SHCBP1: variants seen among roughly 807,000 people sequenced by gnomAD.
SHCBP1 encodes SHC binding and spindle associated 1, also known as SHC SH2 domain-binding protein 1.
A neutral mutation model predicts 75.1 loss-of-function variants in SHCBP1; 60 were observed. The ratio of observed to expected loss-of-function variants is 0.80; its 90% CI spans 0.65 to 0.99. SHCBP1 has a LOEUF of 0.99. SHCBP1 is among the 50% of genes least tolerant of loss of function. The pLI, the probability that SHCBP1 is intolerant of heterozygous loss-of-function variation, is 0.00. For synonymous variants in SHCBP1, 290 were observed against 293.2 expected, an observed-to-expected ratio of 0.99 and a Z score of 0.11; for missense variants, 709 against 809.4, an observed-to-expected ratio of 0.88 and a Z score of 1.50.
intron 5 of SHCBP1, among the ~76,000 whole-genome samples, chr16:46,607,477 T>C (rs1309617388): frequency 6.6e-6 from 1 of 152,158 alleles, no homozygotes; most frequent in African/African-American, 2.4e-5. Flanking sequence ...AGAAACTCAC[T>C]AAATCGACTT....
At chr16:46,584,294 C>A in intron 10 of SHCBP1, 2 of 298,148 alleles carry the variant, frequency 6.7e-6, no homozygotes, top group Non-Finnish European at 5.7e-6. Context: ...TTATCATTTT[C>A]AAAACCACAC....
chr16:46,588,823 G>A (rs1445095221), intron 10 of SHCBP1, among the ~76,000 whole-genome samples: 1 of 152,266 alleles, frequency 6.6e-6, no homozygotes, highest in East Asian at 1.9e-4. Context: ...CTCATTTTAT[G>A]AGGCCAGCAT....
chr16:46,600,287 T>C (rs768689553), intron 8 of SHCBP1, among the ~76,000 whole-genome samples: 1 of 152,134 alleles, frequency 6.6e-6, no homozygotes, highest in Non-Finnish European at 1.5e-5. Context: ...GGCAACACAG[T>C]GAGATTCCAT....
chr16:46,584,403 GA>G (rs745598476), intron 10 of SHCBP1: 1,275 of 167,236 alleles, frequency 7.6e-3, no homozygotes, highest in Middle Eastern at 0.022. Context: ...ATTCTGCCAA[GA>G]AAAAAAAAAA....
At position 46,618,669 on chromosome 16, in the gene SHCBP1, T is replaced by C. The variant is rs181566227; in HGVS notation, c.104-297A>G. On this transcript the variant is annotated intron_variant, in intron 1 of 12. Transcript: ENST00000303383. The stretch of plus-strand genomic sequence containing the variant: ...GTTTTTGTTTTTGTTTTAGAAACGG[T>C]CTCACTCTGTCACCTAGGCTGGAGT... Among the ~76,000 whole-genome samples the C allele has an allele frequency of 3.3e-5, 5 of 152,288 alleles. No individual in the cohort carries two copies. In the East Asian group the frequency reaches 9.7e-4, roughly 29 times the overall value.
Position 46,618,298 on chromosome 16 carries a change from T to C in SHCBP1, c.178A>G (p.Met60Val). 1 of 1,613,736 alleles carries C rather than the reference T, an allele frequency of 6.2e-7. No individual in the cohort carries two copies. The highest frequency in any genetic ancestry group is 8.5e-7 in the Non-Finnish European group (1 of 1,179,938). ...DKPGSSLQSFMPEGKTFFPEI... is the reference protein window; with the variant it reads ...DKPGSSLQSFVPEGKTFFPEI... ...GGGAAAAAGGTTTTTCCTTCTGGCA[T>C]AAAACTTTGTAAACTAGAACCTGGT... is the stretch of plus-strand genomic sequence containing the variant. The change falls in exon 2 of 13, where the codon ATG (methionine) becomes GTG (valine). Residue 60 changes from methionine (M) to valine (V), a missense_variant. Physicochemically the swap from Met to Val is conservative, Grantham distance 21. Transcript: ENST00000303383.
At chr16:46,595,713 C>T in intron 9 of SHCBP1, 43 bp from the exon 10 acceptor site, 1 of 1,468,772 alleles carries the variant, frequency 6.8e-7, no homozygotes, top group Non-Finnish European at 9.5e-7. Context: ...AAGTAATGTG[C>T]CTTTTCCAAT....
chr16:46,589,865 A>G (rs1965014608), intron 10 of SHCBP1, among the ~76,000 whole-genome samples: 1 of 152,240 alleles, frequency 6.6e-6, no homozygotes, highest in South Asian at 2.1e-4. Context: ...TCGCCAAGAC[A>G]ATCCTAAGCC....
At chr16:46,615,772 A>G (rs1190674091) in intron 4 of SHCBP1, among the ~76,000 whole-genome samples, 174 bp downstream of exon 4, 2 of 152,120 alleles carry the variant, frequency 1.3e-5, no homozygotes. Context: ...GATTTAAAAC[A>G]TTTTTAATTT....
chr16:46,582,096 C>T, intron 12 of SHCBP1, 42 bp from the exon 13 acceptor site: 3 of 1,540,944 alleles, frequency 1.9e-6, no homozygotes, highest in Non-Finnish European at 1.7e-6. Flanking sequence ...AATATACAAG[C>T]TAACCCAACA....
At chr16:46,585,658 C>T (rs1964945360) in intron 10 of SHCBP1, among the ~76,000 whole-genome samples, 1 of 152,208 alleles carries the variant, frequency 6.6e-6, no homozygotes, top group Non-Finnish European at 1.5e-5. Flanking sequence ...AAGGCCCTCC[C>T]TGCAGCAGTG....
chr16:46,618,238 C>G lies in SHCBP1; in HGVS notation c.238G>C (p.Glu80Gln). 1 of 1,611,006 alleles carries G rather than the reference C, an allele frequency of 6.2e-7. No homozygotes were observed. Among genetic ancestry groups the G allele is most frequent in the Non-Finnish European group, 8.5e-7 (1 of 1,179,294 alleles). ...TAATCTTGATAGGCTCTGAATCGCT[C>G]ATAGAACAAAAGTTGATTTGTTTGG... ...IFQTNQLLFYERFRAYQDYIL... is the reference protein window; with the variant it reads ...IFQTNQLLFYQRFRAYQDYIL... The change falls in exon 2 of 13, where the codon GAG (glutamate) becomes CAG (glutamine). Residue 80 changes from glutamate to glutamine, a missense_variant. Coordinates refer to ENST00000303383, the MANE Select transcript of SHCBP1 (RefSeq NM_024745.5).
chr16:46,616,094 A>C lies in SHCBP1; in HGVS notation c.448T>G (p.Cys150Gly). The change falls in exon 4 of 13, where the codon TGT becomes GGT. Residue 150 changes from cysteine to glycine, a missense_variant. Coordinates refer to ENST00000303383, the MANE Select transcript of SHCBP1 (RefSeq NM_024745.5). The surrounding 1 kb of genome is among the most constrained non-coding windows in gnomAD (Gnocchi z 4.4). ...GTAAAAGTGCTCACTTGAGAGTCAC[A>C]GAGGTATGGTTCAGCAAGCCTCACC... ...AVVRLAEPYL[C>G]DSQVSTFTME... is the part of the protein sequence containing the mutation. 1 of 1,614,244 alleles carries C rather than the reference A, an allele frequency of 6.2e-7. No individual in the cohort carries two copies. The highest frequency in any genetic ancestry group is 8.5e-7 in the Non-Finnish European group (1 of 1,180,050).
At chr16:46,595,508 A>G (rs770486553) in intron 10 of SHCBP1, 44 bp downstream of exon 10, 1 of 1,447,748 alleles carries the variant, frequency 6.9e-7, no homozygotes, top group Non-Finnish European at 9.7e-7. Flanking sequence ...ATTCATTTAC[A>G]ACTTAAACAC....
At position 46,599,712 on chromosome 16, in the gene SHCBP1, A is replaced by G. The variant is rs1443037341; in HGVS notation, c.1345+119T>C. On this transcript the variant is annotated intron_variant, in intron 9 of 12. Coordinates refer to ENST00000303383, the MANE Select transcript of SHCBP1 (RefSeq NM_024745.5). ...AAAAAACTCAGCATCGTGAAGTGCA[A>G]TAAAACAAGGTATGCCTGTACTCAA... The G allele has an allele frequency of 1.6e-5, 6 of 379,304 alleles. No individual in the cohort carries two copies. The East Asian group carries it at 2.6e-4, about 16-fold the overall frequency. 23.5% of individuals were successfully genotyped at this position (379,304 alleles called of 1,614,324 possible).
At chr16:46,601,769 A>G (rs1388790742) in intron 8 of SHCBP1, among the ~76,000 whole-genome samples, 1 of 152,268 alleles carries the variant, frequency 6.6e-6, no homozygotes, top group Non-Finnish European at 1.5e-5. Flanking sequence ...AAAGAATTGC[A>G]TATTGAGAAA....
intron 12 of SHCBP1, 23 bp from the exon 13 acceptor site, chr16:46,582,077 A>T: frequency 6.3e-7 from 1 of 1,577,642 alleles, no homozygotes; most frequent in Non-Finnish European, 8.6e-7. Context: ...ACAAATAATA[A>T]CAAAGTTAAA....
intron 8 of SHCBP1, among the ~76,000 whole-genome samples, 188 bp downstream of exon 8, chr16:46,603,351 A>G (rs1464573291): frequency 6.6e-6 from 1 of 152,208 alleles, no homozygotes; most frequent in Non-Finnish European, 1.5e-5. Context: ...ACAAAGAACC[A>G]CAACTCAAAT....
chr16:46,613,914 A>G (rs1007972062), intron 4 of SHCBP1, among the ~76,000 whole-genome samples: 3 of 152,194 alleles, frequency 2.0e-5, no homozygotes, highest in African/African-American at 7.2e-5. Context: ...CAGCCCTCCA[A>G]ATGAAGTGTA....
Sources: allele counts gnomAD v4.1 joint callset (sites outside exome capture counted in the v4.1 genomes callset), GRCh38; gene constraint gnomAD v4.1.1; non-coding constraint Gnocchi (gnomAD v3.1); transcripts MANE v1.5; gene names NCBI Gene and HGNC (gene_info 2026-07-23, HGNC 2026-07-21).